Variants in RBFOX1 observed in about 807,000 individuals in gnomAD.
RBFOX1 encodes the protein RNA binding fox-1 homolog 1, also known as RNA binding protein fox-1 homolog 1.
A neutral mutation model predicts 57.7 loss-of-function variants in RBFOX1; 8 were observed. The ratio of observed to expected loss-of-function variants is 0.14; its 90% CI spans 0.08 to 0.25. The LOEUF (loss-of-function observed/expected upper bound fraction) is 0.25, where lower values mean the gene tolerates loss of function less well. Ranked by LOEUF, RBFOX1 falls within the 10% of genes least tolerant of loss-of-function variation. The pLI is 1.00. For synonymous variants in RBFOX1, 326 were observed against 222.4 expected (o/e 1.47, Z -4.15); for missense variants, 611 against 548.5 (o/e 1.11, Z -1.14).
Position 5,947,038 on chromosome 16 carries a change from C to T in RBFOX1, c.351+79703C>T, listed in dbSNP as rs1405535861. Reference sequence around the variant, plus strand: ...ACCAGCTCTAGCAATATAGTGACACCCCATCTGTACAAAATAAAGTGAAAA... The same window carrying T: ...ACCAGCTCTAGCAATATAGTGACACTCCATCTGTACAAAATAAAGTGAAAA... On this transcript the variant is annotated intron_variant, in intron 4 of 19. Coordinates refer to the RBFOX1 transcript ENST00000641259. The surrounding 1 kb of genome is among the most constrained non-coding windows in gnomAD (Gnocchi z 7.2). 6.6e-6 allele frequency among the ~76,000 whole-genome samples: 1 copy of T among 152,056 alleles called. No individual in the cohort carries two copies. Among genetic ancestry groups the T allele is most frequent in the South Asian group, 2.1e-4 (1 of 4,822 alleles).
At chr16:5,333,942 A>G (rs1210132998) in intron 1 of RBFOX1, among the ~76,000 whole-genome samples, 3 of 152,234 alleles carry the variant, frequency 2.0e-5, no homozygotes, top group African/African-American at 7.2e-5. Context: ...AGCATTATGC[A>G]GTACATGACT....
intron 3 of RBFOX1, among the ~76,000 whole-genome samples, chr16:6,938,897 A>C (rs573009526): frequency 6.6e-6 from 1 of 152,276 alleles, no homozygotes; most frequent in East Asian, 1.9e-4. Context: ...GCACCACTGC[A>C]CTCCAGCCTG....
chr16:7,066,525 G>A (rs965533842), intron 4 of RBFOX1, among the ~76,000 whole-genome samples: 8 of 152,114 alleles, frequency 5.3e-5, no homozygotes, highest in African/African-American at 1.9e-4. Flanking sequence ...TACCAAATGA[G>A]CTGAGTATTT....
chr16:7,436,281 G>A (rs917994014), intron 4 of RBFOX1, among the ~76,000 whole-genome samples: 9 of 152,178 alleles, frequency 5.9e-5, no homozygotes, highest in African/African-American at 2.2e-4. Context: ...GGATGTTTAT[G>A]TTATTTCCGG....
intron 12 of RBFOX1, among the ~76,000 whole-genome samples, chr16:7,656,476 G>C (rs1001808630): frequency 1.3e-5 from 2 of 151,904 alleles, no homozygotes; most frequent in African/African-American, 4.8e-5. Context: ...TGTTCAGGGA[G>C]AGCAAGAACC....
At chr16:6,216,870 CTT>C (rs529855553) in intron 1 of RBFOX1, among the ~76,000 whole-genome samples, 1 of 148,818 alleles carries the variant, frequency 6.7e-6, no homozygotes, top group African/African-American at 2.5e-5. Flanking sequence ...CCCTATTTCA[CTT>C]TTTTTTTTTC....
intron 4 of RBFOX1, among the ~76,000 whole-genome samples, chr16:7,342,750 T>C (rs1275619071): frequency 6.6e-6 from 1 of 151,976 alleles, no homozygotes; most frequent in Non-Finnish European, 1.5e-5. Context: ...CTCTGGGTGG[T>C]GTGAAACCAC....
intron 1 of RBFOX1, among the ~76,000 whole-genome samples, chr16:5,411,844 C>G (rs187356547): frequency 7.9e-5 from 12 of 152,150 alleles, no homozygotes; most frequent in African/African-American, 2.9e-4. Flanking sequence ...GATTGCACCA[C>G]TGCACTCCAG....
chr16:6,472,016 T>C (rs150119255), intron 2 of RBFOX1, among the ~76,000 whole-genome samples: 72 of 152,326 alleles, frequency 4.7e-4, no homozygotes, highest in Non-Finnish European at 6.9e-4. Flanking sequence ...TCCACCTCTA[T>C]TCCTCTGAGT....
chr16:7,012,105 C>T (rs1393965146), intron 3 of RBFOX1, among the ~76,000 whole-genome samples: 1 of 152,104 alleles, frequency 6.6e-6, no homozygotes, highest in African/African-American at 2.4e-5. Context: ...TGAGAAACAG[C>T]TTCAGAATCC....
At chr16:6,000,819 T>TG (rs1567240481) in intron 4 of RBFOX1, among the ~76,000 whole-genome samples, 2 of 140,312 alleles carry the variant, frequency 1.4e-5, no homozygotes, top group South Asian at 2.4e-4. Flanking sequence ...GTGGATGAGT[T>TG]GGTGGGTGGA....
intron 5 of RBFOX1, among the ~76,000 whole-genome samples, chr16:7,570,280 T>G (rs1567883739): frequency 6.6e-6 from 1 of 152,140 alleles, no homozygotes. Flanking sequence ...TTGAGCTATA[T>G]CTAATGCTGT....
chr16:7,303,700 G>C (rs1341008520), intron 4 of RBFOX1, among the ~76,000 whole-genome samples: 1 of 152,080 alleles, frequency 6.6e-6, no homozygotes, highest in African/African-American at 2.4e-5. Context: ...GTGAGCTTCA[G>C]TGTGAGTCAA....
intron 2 of RBFOX1, among the ~76,000 whole-genome samples, chr16:6,408,704 C>T (rs886893935): frequency 5.9e-5 from 9 of 152,098 alleles, no homozygotes; most frequent in African/African-American, 2.2e-4. Context: ...ACGGTTTTAG[C>T]AAGTTTTCAA....
chr16:6,760,702 G>C lies in RBFOX1; in HGVS notation c.-16+106052G>C, dbSNP rs374742879. ...CCTTTCTCTGCAAGGTTTGTATTTA[G>C]GTTATAAAAATAAGTGTAGGAGGGA... On this transcript the variant is annotated intron_variant, in intron 3 of 15. Transcript: ENST00000550418. Among the ~76,000 whole-genome samples, 20 of 152,268 alleles carry C rather than the reference G, an allele frequency of 1.3e-4. 1 individual carries two copies. In the East Asian group the frequency reaches 2.9e-3, roughly 22 times the overall value.
intron 1 of RBFOX1, among the ~76,000 whole-genome samples, chr16:6,134,681 G>GTTTTTTTTTTT: frequency 4.5e-5 from 6 of 134,148 alleles, no homozygotes; most frequent in African/African-American, 1.3e-4. Flanking sequence ...TGAACTCAGA[G>GTTTTTTTTTTT]TATTTTTTTT....
intron 1 of RBFOX1, among the ~76,000 whole-genome samples, chr16:5,458,448 G>C (rs2068695056): frequency 1.3e-5 from 2 of 152,200 alleles, no homozygotes; most frequent in South Asian, 4.1e-4. Context: ...GAAGTGGGAA[G>C]CTATATAATG....
chr16:5,916,923 G>A (rs1156354736), intron 4 of RBFOX1, among the ~76,000 whole-genome samples: 1 of 152,150 alleles, frequency 6.6e-6, no homozygotes, highest in Non-Finnish European at 1.5e-5. Flanking sequence ...ACTGAATTCA[G>A]CTGTGCGCAG....
rs1176653982 is a variant in RBFOX1, at chr16:6,780,307, A to G, written c.-16+125657A>G. 5.6e-4 allele frequency among the ~76,000 whole-genome samples: 39 copies of G among 69,042 alleles called. 4 individuals are homozygous for G. Among genetic ancestry groups the G allele is most frequent in the African/African-American group, 2.9e-3 (36 of 12,516 alleles). 45.3% of individuals were successfully genotyped at this position (69,042 alleles called of 152,430 possible). ...TATACATATATATATTTATACATAT[A>G]TATATTTATTCATATTTATATATAT... On this transcript the variant is annotated intron_variant, in intron 3 of 15. Transcript: ENST00000550418.
Sources: gnomAD v4.1 joint callset for allele counts (sites outside exome capture counted in the v4.1 genomes callset) on GRCh38, gnomAD v4.1.1 for gene constraint, Gnocchi (gnomAD v3.1) non-coding constraint, MANE v1.5 for transcripts, NCBI Gene and HGNC (gene_info 2026-07-23, HGNC 2026-07-21) for gene names.